Variants in EFNA5 observed in about 807,000 individuals in gnomAD.
The protein encoded by EFNA5 is ephrin A5.
Under a neutral mutation model 22.9 loss-of-function variants are expected in EFNA5, and 5 were observed. That is an observed-to-expected ratio of 0.22 (90% CI 0.11 to 0.46). EFNA5 has a LOEUF of 0.46. Ranked by LOEUF, EFNA5 falls within the 20% of genes least tolerant of loss-of-function variation. The pLI is 0.99. For missense variants in EFNA5, 237 were observed against 293.3 expected (o/e 0.81, Z 1.40); for synonymous variants, 113 against 112.2 (o/e 1.01, Z -0.04).
chr5:107,653,078 A>G (rs1409672397), intron 1 of EFNA5, among the ~76,000 whole-genome samples: 2 of 152,072 alleles, frequency 1.3e-5, no homozygotes, highest in Admixed American at 6.6e-5. Flanking sequence ...CAGAGGCATC[A>G]GAACAGGTAC....
At chr5:107,528,221 C>T (rs1168611348) in intron 1 of EFNA5, among the ~76,000 whole-genome samples, 3 of 152,170 alleles carry the variant, frequency 2.0e-5, no homozygotes, top group African/African-American at 7.2e-5. Context: ...AAGAAAAAAC[C>T]TCCATCTTCA....
chr5:107,437,578 T>C (rs1321728654), intron 1 of EFNA5, among the ~76,000 whole-genome samples: 1 of 152,248 alleles, frequency 6.6e-6, no homozygotes, highest in Non-Finnish European at 1.5e-5. Flanking sequence ...TAGTTTTATA[T>C]AGATTTATTT....
chr5:107,547,429 C>T (rs991846073), intron 1 of EFNA5, among the ~76,000 whole-genome samples: 1 of 151,910 alleles, frequency 6.6e-6, no homozygotes, highest in Non-Finnish European at 1.5e-5. Flanking sequence ...GTGATGGTGT[C>T]ACATAGTATC....
At chr5:107,431,943 T>G (rs1748974258) in intron 1 of EFNA5, among the ~76,000 whole-genome samples, 1 of 152,220 alleles carries the variant, frequency 6.6e-6, no homozygotes, top group Admixed American at 6.5e-5. Flanking sequence ...AGAGTTAGGA[T>G]CTGAACTCAA....
chr5:107,656,705 T>A (rs1235993889), intron 1 of EFNA5, among the ~76,000 whole-genome samples: 1 of 152,116 alleles, frequency 6.6e-6, no homozygotes, highest in Non-Finnish European at 1.5e-5. Flanking sequence ...TCCTGCCACA[T>A]ATACACATTC....
intron 1 of EFNA5, among the ~76,000 whole-genome samples, chr5:107,430,783 T>C (rs1287176543): frequency 6.8e-6 from 1 of 147,766 alleles, no homozygotes; most frequent in Non-Finnish European, 1.5e-5. Context: ...TCTTTTTTTT[T>C]TTTTTTTTTT....
At chr5:107,650,820 G>A (rs1274956341) in intron 1 of EFNA5, among the ~76,000 whole-genome samples, 3 of 152,126 alleles carry the variant, frequency 2.0e-5, no homozygotes, top group African/African-American at 7.2e-5. Flanking sequence ...CAGGCAAGAA[G>A]GGCCAGTGGT....
intron 1 of EFNA5, among the ~76,000 whole-genome samples, chr5:107,612,134 T>C (rs915068025): frequency 3.9e-5 from 6 of 152,170 alleles, no homozygotes; most frequent in African/African-American, 1.4e-4. Context: ...CACCATTCAA[T>C]AGAAAGCATC....
At position 107,577,975 on chromosome 5, in the gene EFNA5, A is replaced by G. The variant is rs374217121; in HGVS notation, c.125+92514T>C. ...CATTTTTTTCCTTAACTGATCAAAG[A>G]ACATAGCCTGGGTCCTGATAAGATT... On this transcript the variant is annotated intron_variant, in intron 1 of 4. Transcript: ENST00000333274. Among the ~76,000 whole-genome samples the G allele has an allele frequency of 2.2e-4, 34 of 152,282 alleles. 1 individual carries two copies. The South Asian group carries it at 7.1e-3, about 32-fold the overall frequency.
At chr5:107,446,483 C>T (rs1357435120) in intron 1 of EFNA5, among the ~76,000 whole-genome samples, 3 of 152,158 alleles carry the variant, frequency 2.0e-5, no homozygotes, top group Non-Finnish European at 4.4e-5. Flanking sequence ...GACCTGGTGG[C>T]TTACACCTGT....
At chr5:107,436,689 A>G (rs1384483691) in intron 1 of EFNA5, among the ~76,000 whole-genome samples, 2 of 151,962 alleles carry the variant, frequency 1.3e-5, no homozygotes, top group East Asian at 3.9e-4. Context: ...CCACATACAC[A>G]CAGACCCAGC....
chr5:107,598,548 GAATT>G (rs1436274157), intron 1 of EFNA5, among the ~76,000 whole-genome samples: 1 of 152,132 alleles, frequency 6.6e-6, no homozygotes, highest in African/African-American at 2.4e-5. Flanking sequence ...CAATGAAACA[GAATT>G]ATTTACTTGA....
chr5:107,436,246 T>A (rs1749107109), intron 1 of EFNA5, among the ~76,000 whole-genome samples: 1 of 152,200 alleles, frequency 6.6e-6, no homozygotes, highest in Non-Finnish European at 1.5e-5. Flanking sequence ...TTTTATTAGC[T>A]TGATGGAGGA....
intron 1 of EFNA5, among the ~76,000 whole-genome samples, chr5:107,633,376 A>C (rs910838183): frequency 2.6e-5 from 4 of 152,214 alleles, no homozygotes; most frequent in African/African-American, 9.6e-5. Flanking sequence ...ACAAAGCAAG[A>C]AGGGAAAAGT....
At chr5:107,424,505 T>G (rs976508938) in intron 2 of EFNA5, among the ~76,000 whole-genome samples, 36 of 151,934 alleles carry the variant, frequency 2.4e-4, no homozygotes, top group African/African-American at 2.4e-5. Context: ...TGTGAGCCAC[T>G]GTGCACAGCC....
At chr5:107,663,225 A>G (rs78496408) in intron 1 of EFNA5, among the ~76,000 whole-genome samples, 9 of 69,996 alleles carry the variant, frequency 1.3e-4, no homozygotes, top group South Asian at 8.5e-4. Flanking sequence ...TCTAGGGGGG[A>G]AAAAAAACAC....
At chr5:107,617,247 GAGAGAGAGAGAA>G in intron 1 of EFNA5, among the ~76,000 whole-genome samples, 1 of 150,996 alleles carries the variant, frequency 6.6e-6, no homozygotes, top group African/African-American at 2.4e-5. Flanking sequence ...CAGAGAGAGA[GAGAGAGAGAGAA>G]AGAGAGAGAG....
At chr5:107,428,311 G>C (rs1176796595) in intron 1 of EFNA5, among the ~76,000 whole-genome samples, 1 of 152,194 alleles carries the variant, frequency 6.6e-6, no homozygotes, top group Non-Finnish European at 1.5e-5. Context: ...AACAGGTCAT[G>C]TTCTAGAGCT....
chr5:107,535,333 C>G (rs1397373491), intron 1 of EFNA5, among the ~76,000 whole-genome samples: 1 of 152,176 alleles, frequency 6.6e-6, no homozygotes. Context: ...AAAAAGTAGG[C>G]AATTTGCCAG....
Sources: gnomAD v4.1 joint callset for allele counts (sites outside exome capture counted in the v4.1 genomes callset) on GRCh38, gnomAD v4.1.1 for gene constraint, MANE v1.5 for transcripts, NCBI Gene and HGNC (gene_info 2026-07-23, HGNC 2026-07-21) for gene names.